BLTP2: variants seen among roughly 807,000 people sequenced by gnomAD.
BLTP2 encodes U937-associated antigen.
chr17:28,642,295 C>T, the BLTP2 span: 3 of 1,614,092 alleles, frequency 1.9e-6, no homozygotes, highest in African/African-American at 2.7e-5. Flanking sequence ...CTCTTTAGAA[C>T]TTTGCTGTTG....
the BLTP2 span, chr17:28,619,005 G>A: frequency 6.3e-7 from 1 of 1,583,774 alleles, no homozygotes; most frequent in African/African-American, 1.3e-5. Flanking sequence ...AGCCAGTAAG[G>A]GAAACAGCAC....
At chr17:28,617,748 CCTGTAT>C in the BLTP2 span, among the ~76,000 whole-genome samples, 9 of 152,058 alleles carry the variant, frequency 5.9e-5, no homozygotes, top group African/African-American at 1.9e-4. Flanking sequence ...ATCAAACTCA[CCTGTAT>C]CTGTATCTTA....
chr17:28,631,168 G>T, the BLTP2 span, among the ~76,000 whole-genome samples: 1 of 152,146 alleles, frequency 6.6e-6, no homozygotes, highest in African/African-American at 2.4e-5. Context: ...TCACGAGGGT[G>T]GGGCACTCAT....
the BLTP2 span, chr17:28,619,811 C>T: frequency 1.9e-5 from 30 of 1,613,820 alleles, no homozygotes; most frequent in Non-Finnish European, 2.5e-5. Flanking sequence ...AGACCGCCCT[C>T]GTTCTAGGAG....
chr17:28,615,705 T>C, the BLTP2 span: 1 of 1,614,190 alleles, frequency 6.2e-7, no homozygotes, highest in Non-Finnish European at 8.5e-7. Context: ...TTGACAGCCA[T>C]GGCAAAGTCT....
the BLTP2 span, among the ~76,000 whole-genome samples, chr17:28,627,544 C>A: frequency 8.2e-3 from 1,246 of 152,006 alleles, 49 homozygotes; most frequent in Admixed American, 0.056. Context: ...GTAGCTGGGA[C>A]TACAAGCACC....
the BLTP2 span, chr17:28,641,964 G>A: frequency 6.2e-7 from 1 of 1,614,250 alleles, no homozygotes; most frequent in Admixed American, 1.7e-5. Context: ...CCCTCATGCA[G>A]TTCAGCATGG....
chr17:28,641,858 C>T, the BLTP2 span: 9 of 1,572,572 alleles, frequency 5.7e-6, no homozygotes, highest in African/African-American at 4.1e-5. Context: ...GAGAACAAGG[C>T]AGCCAAGAAG....
chr17:28,630,247 C>T, the BLTP2 span, among the ~76,000 whole-genome samples: 1 of 152,082 alleles, frequency 6.6e-6, no homozygotes, highest in Admixed American at 6.6e-5. Flanking sequence ...GCCTCGATTT[C>T]CCAGACTCCA....
At chr17:28,624,295 C>T in the BLTP2 span, 1 of 1,614,142 alleles carries the variant, frequency 6.2e-7, no homozygotes, top group Non-Finnish European at 8.5e-7. Flanking sequence ...TGGCAGGCAG[C>T]AATGCCACAC....
At chr17:28,616,269 CTT>C in the BLTP2 span, 1 of 1,600,304 alleles carries the variant, frequency 6.2e-7, no homozygotes, top group East Asian at 2.2e-5. This position sits in a 1 kb window ranked among gnomAD's most constrained non-coding sequence, Gnocchi z 4.8. Context: ...ACATCTCCCT[CTT>C]CTTTTATCCC....
the BLTP2 span, chr17:28,636,840 A>T: frequency 1.3e-6 from 1 of 770,688 alleles, no homozygotes; most frequent in Non-Finnish European, 2.1e-6. Flanking sequence ...GTAGTTTAAG[A>T]CCAGTCTGGG....
the BLTP2 span, chr17:28,616,030 T>G: frequency 1.5e-6 from 2 of 1,326,756 alleles, no homozygotes; most frequent in East Asian, 2.3e-5. The surrounding 1 kb of genome is among the most constrained non-coding windows in gnomAD (Gnocchi z 4.8). Context: ...TCTCCCTGTA[T>G]AGAATCTCTG....
chr17:28,629,597 C>T, the BLTP2 span, among the ~76,000 whole-genome samples: 1 of 152,206 alleles, frequency 6.6e-6, no homozygotes, highest in Non-Finnish European at 1.5e-5. Context: ...CCTGCCTCAG[C>T]CTCCCGAGTA....
the BLTP2 span, chr17:28,640,670 G>A: frequency 6.2e-7 from 1 of 1,614,054 alleles, no homozygotes; most frequent in Non-Finnish European, 8.5e-7. Context: ...GCTCAACTAA[G>A]TTTTCTGTCA....
the BLTP2 span, among the ~76,000 whole-genome samples, chr17:28,632,572 G>A: frequency 1.3e-5 from 2 of 152,002 alleles, no homozygotes; most frequent in Non-Finnish European, 2.9e-5. Context: ...GTGGTCCAAG[G>A]GAGCTCACTG....
chr17:28,630,386 G>A, the BLTP2 span, among the ~76,000 whole-genome samples: 1 of 151,240 alleles, frequency 6.6e-6, no homozygotes, highest in Non-Finnish European at 1.5e-5. Flanking sequence ...TCAAACTCCT[G>A]AGCTCAAGCA....
At chr17:28,634,920 T>A in the BLTP2 span, 1 of 1,613,542 alleles carries the variant, frequency 6.2e-7, no homozygotes, top group Non-Finnish European at 8.5e-7. Context: ...TATCATGAAG[T>A]TTCACCTCAA....
At chr17:28,631,610 T>C in the BLTP2 span, 1 of 1,614,108 alleles carries the variant, frequency 6.2e-7, no homozygotes, top group South Asian at 1.1e-5. Flanking sequence ...AGGTGAACGG[T>C]CACCTGACTT....
Sources: allele counts gnomAD v4.1 joint callset (sites outside exome capture counted in the v4.1 genomes callset), GRCh38; gene constraint gnomAD v4.1.1; non-coding constraint Gnocchi (gnomAD v3.1); transcripts MANE v1.5; gene names NCBI Gene and HGNC (gene_info 2026-07-23, HGNC 2026-07-21).